SMCO2: variants seen among roughly 807,000 people sequenced by gnomAD.
SMCO2 encodes single-pass membrane and coiled-coil domain-containing protein 2.
A neutral mutation model predicts 29.5 loss-of-function variants in SMCO2; 25 were observed. The ratio of observed to expected loss-of-function variants is 0.85; its 90% CI spans 0.62 to 1.18. The LOEUF is 1.18. Ranked by LOEUF, SMCO2 falls within the 50% of genes most tolerant of loss-of-function variation. The pLI, the probability that SMCO2 is intolerant of heterozygous loss-of-function variation, is 0.00. For synonymous variants in SMCO2, 117 were observed against 123.3 expected (o/e 0.95, Z 0.34); for missense variants, 348 against 344.5 (o/e 1.01, Z -0.08).
the SMCO2 span, among the ~76,000 whole-genome samples, chr12:27,443,570 T>C: frequency 6.6e-6 from 1 of 152,156 alleles, no homozygotes. Context: ...AAGGAAGAAG[T>C]CAAATGAGCC....
At chr12:27,436,120 A>C in the SMCO2 span, among the ~76,000 whole-genome samples, 1 of 152,156 alleles carries the variant, frequency 6.6e-6, no homozygotes. Flanking sequence ...CCTTTTATGA[A>C]GGCACTAATC....
At chr12:27,427,593 G>A in the SMCO2 span, among the ~76,000 whole-genome samples, 3 of 152,098 alleles carry the variant, frequency 2.0e-5, 1 homozygote, top group African/African-American at 7.2e-5. Flanking sequence ...GAACTTTAAA[G>A]GCACCCTTGA....
upstream of SMCO2, among the ~76,000 whole-genome samples, chr12:27,465,070 AAG>A (rs368882896): frequency 7.4e-3 from 1,119 of 150,550 alleles, 19 homozygotes; most frequent in African/African-American, 0.025. Flanking sequence ...AGAAAAGAAA[AAG>A]AGAGAGAGAG....
Position 27,474,885 on chromosome 12 carries a change from C to T in SMCO2, c.334C>T (p.Gln112Ter), listed in dbSNP as rs756627069. The T allele has an allele frequency of 2.8e-5, 44 of 1,551,212 alleles. No individual in the cohort carries two copies. Among genetic ancestry groups the T allele is most frequent in the South Asian group, 2.7e-4 (23 of 84,054 alleles). ...GGACCCTCAAGCGTCTACATCTCTGCAGTTTTCAAAGAAGAACCTCCTTGA... is the reference window on the plus strand; with the variant it reads ...GGACCCTCAAGCGTCTACATCTCTGTAGTTTTCAAAGAAGAACCTCCTTGA... The change falls in exon 4 of 8, where the codon CAG becomes TAG. Residue 112 changes from glutamine to a stop codon, truncating the protein, a stop_gained. Coordinates refer to ENST00000298876, the Ensembl canonical transcript of SMCO2. LOFTEE classifies it high-confidence loss of function.
chr12:27,485,181 T>C (rs777968192), intron 4 of SMCO2, among the ~76,000 whole-genome samples: 3 of 151,692 alleles, frequency 2.0e-5, no homozygotes, highest in Non-Finnish European at 2.9e-5. Flanking sequence ...TTTCTATCAC[T>C]ATATCTTAAA....
intron 4 of SMCO2, among the ~76,000 whole-genome samples, chr12:27,479,395 TCCTGAAG>T (rs1279569381): frequency 6.2e-4 from 94 of 152,280 alleles, no homozygotes; most frequent in African/African-American, 2.2e-3. Context: ...TCCCCAGGCC[TCCTGAAG>T]GTGTGTGCAG....
At chr12:27,433,515 ACACAC>A in the SMCO2 span, among the ~76,000 whole-genome samples, 1 of 143,050 alleles carries the variant, frequency 7.0e-6, no homozygotes, top group Non-Finnish European at 1.5e-5. Flanking sequence ...ATACACACAC[ACACAC>A]ACACACACAC....
chr12:27,461,113 G>C, the SMCO2 span, among the ~76,000 whole-genome samples: 1 of 152,096 alleles, frequency 6.6e-6, no homozygotes, highest in South Asian at 2.1e-4. Flanking sequence ...TATAACCTAT[G>C]CACATCCTCC....
At chr12:27,493,364 C>T (rs1416177256) in intron 5 of SMCO2, among the ~76,000 whole-genome samples, 2 of 151,984 alleles carry the variant, frequency 1.3e-5, no homozygotes, top group East Asian at 1.9e-4. Flanking sequence ...GAAACCTCAT[C>T]TCTACAAAAA....
chr12:27,425,191 T>A, the SMCO2 span: 2 of 152,218 alleles, frequency 1.3e-5, no homozygotes, highest in Non-Finnish European at 2.9e-5. Context: ...TTGGTATTTT[T>A]AAATTTTTGT....
At chr12:27,433,552 ATTC>A in the SMCO2 span, among the ~76,000 whole-genome samples, 4 of 151,716 alleles carry the variant, frequency 2.6e-5, no homozygotes, top group Middle Eastern at 3.4e-3. Flanking sequence ...CATATATCAT[ATTC>A]TCAACCAGGA....
the SMCO2 span, among the ~76,000 whole-genome samples, chr12:27,441,626 G>A: frequency 6.6e-6 from 1 of 152,140 alleles, no homozygotes; most frequent in Non-Finnish European, 1.5e-5. Flanking sequence ...TACCATTATA[G>A]TGCGGGCTTT....
chr12:27,433,301 A>G, the SMCO2 span, among the ~76,000 whole-genome samples: 3 of 152,292 alleles, frequency 2.0e-5, 1 homozygote, highest in South Asian at 6.2e-4. Context: ...TTAACAGCAT[A>G]AGAGTACAGC....
the SMCO2 span, among the ~76,000 whole-genome samples, chr12:27,442,467 C>T: frequency 6.6e-6 from 1 of 152,122 alleles, no homozygotes; most frequent in Non-Finnish European, 1.5e-5. Flanking sequence ...AGACAAACTC[C>T]AGAACACACA....
At position 27,495,666 on chromosome 12, in the gene SMCO2, C is replaced by G. The variant is rs1410728389; in HGVS notation, c.508-14C>G. 2 of 1,453,184 alleles carry G rather than the reference C, an allele frequency of 1.4e-6. No individual in the cohort carries two copies. Among genetic ancestry groups the G allele is most frequent in the Non-Finnish European group, 1.8e-6 (2 of 1,083,798 alleles). The allele number at this position is 1,453,184 out of a possible 1,614,324, so 90.0% of individuals were successfully genotyped here. On this transcript the variant is annotated splice_polypyrimidine_tract_variant and intron_variant, in intron 6 of 7. Coordinates refer to ENST00000298876, the Ensembl canonical transcript of SMCO2. ...AGAATTTTTTTAAGGTACTTGATTA[C>G]TCTTTTTTTTCAGGACCTTTGCAAG...
At chr12:27,502,165 A>T in exon 8 of SMCO2, 2 of 1,414,382 alleles carry the variant, frequency 1.4e-6, no homozygotes, top group Non-Finnish European at 1.9e-6. Flanking sequence ...CTCACCAGTA[A>T]ACATTGTGGC....
chr12:27,460,703 C>G, the SMCO2 span, among the ~76,000 whole-genome samples: 1 of 152,032 alleles, frequency 6.6e-6, no homozygotes, highest in Non-Finnish European at 1.5e-5. Context: ...TTCAAAAACC[C>G]TCATATAAGT....
At chr12:27,427,544 C>G in the SMCO2 span, among the ~76,000 whole-genome samples, 3 of 152,084 alleles carry the variant, frequency 2.0e-5, no homozygotes, top group Non-Finnish European at 2.9e-5. Context: ...TTTTGCCTTC[C>G]GTTTATAACA....
chr12:27,447,957 A>G, the SMCO2 span, among the ~76,000 whole-genome samples: 2 of 152,082 alleles, frequency 1.3e-5, no homozygotes, highest in African/African-American at 2.4e-5. Context: ...CACTTAACAC[A>G]TTGCACCTGA....
Sources: gnomAD v4.1 joint callset for allele counts (sites outside exome capture counted in the v4.1 genomes callset) on GRCh38, gnomAD v4.1.1 for gene constraint, MANE v1.5 for transcripts, NCBI Gene and HGNC (gene_info 2026-07-23, HGNC 2026-07-21) for gene names.